Variants in PRELID2 observed in about 807,000 individuals in gnomAD.
PRELID2 encodes the protein PRELI domain containing 2, also known as PRELI domain-containing protein 2.
In PRELID2, 25 loss-of-function variants were observed where a neutral mutation model predicts 28.4. The ratio of observed to expected loss-of-function variants is 0.88; its 90% CI spans 0.64 to 1.23. The LOEUF (loss-of-function observed/expected upper bound fraction) is 1.23. Among genes scored for constraint, PRELID2 ranks in the 50% most tolerant of loss-of-function variants. PRELID2 has a pLI of 0.00. For synonymous variants in PRELID2, 76 were observed against 71.6 expected (o/e 1.06, Z -0.31); for missense variants, 201 against 214.4 (o/e 0.94, Z 0.39).
chr5:145,495,096 C>T (rs928553051), intron 1 of PRELID2, among the ~76,000 whole-genome samples: 7 of 152,130 alleles, frequency 4.6e-5, no homozygotes, highest in Admixed American at 1.3e-4. Context: ...CCACTATCTC[C>T]TTAACTCATT....
intron 5 of PRELID2, among the ~76,000 whole-genome samples, chr5:145,774,171 A>G (rs1758268766): frequency 6.6e-6 from 1 of 152,214 alleles, no homozygotes; most frequent in Admixed American, 6.5e-5. Flanking sequence ...TATCTCATTT[A>G]ACCCTCTCAA....
At chr5:145,515,386 C>A (rs555898174) in intron 1 of PRELID2, among the ~76,000 whole-genome samples, 1 of 152,260 alleles carries the variant, frequency 6.6e-6, no homozygotes, top group South Asian at 2.1e-4. Flanking sequence ...TGCAAATAAA[C>A]TAGAAAATCT....
intron 1 of PRELID2, among the ~76,000 whole-genome samples, chr5:145,650,870 G>A (rs1305074487): frequency 6.6e-6 from 1 of 152,084 alleles, no homozygotes; most frequent in East Asian, 1.9e-4. Flanking sequence ...TCCAACTGAG[G>A]TACTGGGTTC....
At chr5:145,407,904 C>G in the PRELID2 span, among the ~76,000 whole-genome samples, 1 of 152,152 alleles carries the variant, frequency 6.6e-6, no homozygotes, top group Non-Finnish European at 1.5e-5. Context: ...CACTTCAATC[C>G]TCTGCCACCT....
At chr5:145,380,339 A>T in the PRELID2 span, among the ~76,000 whole-genome samples, 2 of 152,058 alleles carry the variant, frequency 1.3e-5, no homozygotes, top group Non-Finnish European at 1.5e-5. Context: ...TCTTCCCTTT[A>T]TCCACTCTTG....
the PRELID2 span, among the ~76,000 whole-genome samples, chr5:145,303,552 T>A: frequency 7.2e-5 from 11 of 152,224 alleles, no homozygotes; most frequent in East Asian, 2.1e-3. Context: ...TCTCTGCATC[T>A]CTCTCTAGGA....
At chr5:145,782,748 A>C (rs1451014127) in intron 5 of PRELID2, among the ~76,000 whole-genome samples, 2 of 152,186 alleles carry the variant, frequency 1.3e-5, no homozygotes, top group Non-Finnish European at 2.9e-5. Context: ...TGTTTGAATT[A>C]CCTCTGATGC....
At chr5:145,811,445 G>A (rs1753933902) in intron 4 of PRELID2, among the ~76,000 whole-genome samples, 1 of 152,122 alleles carries the variant, frequency 6.6e-6, no homozygotes, top group African/African-American at 2.4e-5. Flanking sequence ...GTGGCACCAT[G>A]CTCGGCTAAT....
At chr5:145,243,101 T>G in the PRELID2 span, among the ~76,000 whole-genome samples, 1 of 152,052 alleles carries the variant, frequency 6.6e-6, no homozygotes, top group African/African-American at 2.4e-5. Context: ...GAAAATGTAT[T>G]AAGAACAGTC....
the PRELID2 span, chr5:145,229,846 C>A: frequency 1.3e-6 from 1 of 758,498 alleles, no homozygotes. Flanking sequence ...TCCCAGGAGC[C>A]GGCAGAAGGG....
the PRELID2 span, among the ~76,000 whole-genome samples, chr5:145,413,853 A>T: frequency 2.0e-5 from 3 of 151,976 alleles, no homozygotes; most frequent in Non-Finnish European, 4.4e-5. Context: ...AGTTCCCTTC[A>T]TGTTGCTGCA....
chr5:145,368,324 G>T, the PRELID2 span, among the ~76,000 whole-genome samples: 1 of 152,026 alleles, frequency 6.6e-6, no homozygotes, highest in East Asian at 1.9e-4. Context: ...AAAAAAGGGA[G>T]GGAGAATGGC....
chr5:145,704,639 T>C (rs562452241), intron 1 of PRELID2, among the ~76,000 whole-genome samples: 86 of 152,340 alleles, frequency 5.6e-4, no homozygotes, highest in African/African-American at 2.0e-3. Context: ...CCCCAGTGTA[T>C]AGAGGAGCCA....
chr5:145,781,588 A>G (rs1277993462), intron 5 of PRELID2, among the ~76,000 whole-genome samples: 1 of 148,058 alleles, frequency 6.8e-6, no homozygotes, highest in African/African-American at 2.5e-5. Context: ...GTGTATATAG[A>G]TATATAGTAT....
intron 5 of PRELID2, 107 bp from the exon 6 acceptor site, chr5:145,765,107 T>G (rs1209400132): frequency 1.2e-5 from 9 of 730,124 alleles, no homozygotes; most frequent in Non-Finnish European, 2.0e-5. Flanking sequence ...GGCCATATAT[T>G]CATTTCAACA....
chr5:145,351,811 C>T, the PRELID2 span, among the ~76,000 whole-genome samples: 1 of 152,138 alleles, frequency 6.6e-6, no homozygotes, highest in Admixed American at 6.6e-5. Flanking sequence ...GGTAAGTATA[C>T]CCATTCCAAA....
the PRELID2 span, among the ~76,000 whole-genome samples, chr5:145,442,522 C>A: frequency 6.6e-6 from 1 of 151,990 alleles, no homozygotes; most frequent in Non-Finnish European, 1.5e-5. Flanking sequence ...AAAGCTGGGT[C>A]AAGGGGTGTC....
intron 1 of PRELID2, among the ~76,000 whole-genome samples, chr5:145,574,690 G>T (rs540238220): frequency 4.6e-5 from 7 of 152,108 alleles, no homozygotes; most frequent in African/African-American, 1.4e-4. Context: ...GGTATCTGTT[G>T]GGGAGAGGTT....
chr5:145,764,853 G>T, intron 6 of PRELID2, 78 bp downstream of exon 6: 2 of 1,000,412 alleles, frequency 2.0e-6, no homozygotes, highest in Non-Finnish European at 3.2e-6. Flanking sequence ...GCCCAGGGAG[G>T]CTGCTGTAGA....
Sources: gnomAD v4.1 joint callset for allele counts (sites outside exome capture counted in the v4.1 genomes callset) on GRCh38, gnomAD v4.1.1 for gene constraint, MANE v1.5 for transcripts, NCBI Gene and HGNC (gene_info 2026-07-23, HGNC 2026-07-21) for gene names.